The following NECTIN3 variants were observed in gnomAD, a reference collection of about 807,000 sequenced individuals.
NECTIN3 encodes nectin-3.
NECTIN3 carries 8 observed loss-of-function variants against 49.4 expected under a neutral mutation model. The ratio of observed to expected loss-of-function variants is 0.16; its 90% CI spans 0.10 to 0.29. The LOEUF (loss-of-function observed/expected upper bound fraction) is 0.29, where lower values mean the gene tolerates loss of function less well. Ranked by LOEUF, NECTIN3 falls within the 10% of genes least tolerant of loss-of-function variation. The pLI, the probability that NECTIN3 is intolerant of heterozygous loss-of-function variation, is 1.00. For synonymous variants in NECTIN3, 277 were observed against 241.1 expected, an observed-to-expected ratio of 1.15 and a Z score of -1.38; for missense variants, 581 against 654.6, an observed-to-expected ratio of 0.89 and a Z score of 1.23.
At chr3:111,156,582 G>A (rs1268865215) in intron 7 of NECTIN3, among the ~76,000 whole-genome samples, 2 of 152,084 alleles carry the variant, frequency 1.3e-5, no homozygotes, top group South Asian at 2.1e-4. Flanking sequence ...AAGTAGTCAT[G>A]ACCACGGTTT....
At chr3:111,151,669 A>G (rs115355110) in intron 7 of NECTIN3, among the ~76,000 whole-genome samples, 326 of 152,024 alleles carry the variant, frequency 2.1e-3, no homozygotes, top group Non-Finnish European at 3.7e-3. Flanking sequence ...CTGGTTATGC[A>G]GTGTGTCAGC....
rs1293939086 is a variant in NECTIN3 at position 111,137,473 on chromosome 3, T to C, written c.*3258T>C. 1 of 968,596 alleles carries C rather than the reference T, an allele frequency of 1.0e-6. No individual in the cohort carries two copies. Among genetic ancestry groups the C allele is most frequent in the African/African-American group, 1.9e-5 (1 of 52,132 alleles). 60.0% of individuals were successfully genotyped at this position (968,596 alleles called of 1,614,324 possible). On this transcript the variant is annotated 3_prime_UTR_variant, in exon 6 of 6. Coordinates refer to ENST00000485303, the MANE Select transcript of NECTIN3 (RefSeq NM_015480.3). ...TTGTTTTGTTTTGTTTTGTTTTTTC[T>C]TTTTTAACCAACCTGTGTATTAGGT...
intron 1 of NECTIN3, among the ~76,000 whole-genome samples, chr3:111,085,910 T>A (rs1364151634): frequency 6.6e-6 from 1 of 152,220 alleles, no homozygotes; most frequent in Admixed American, 6.5e-5. Context: ...AAAGTGCTTA[T>A]AACAATTCAT....
chr3:111,115,943 A>G (rs2033675457), intron 2 of NECTIN3, among the ~76,000 whole-genome samples: 1 of 152,178 alleles, frequency 6.6e-6, no homozygotes, highest in African/African-American at 2.4e-5. Flanking sequence ...CTGAATAAAA[A>G]CAGGTGTTGG....
chr3:111,124,413 A>G (rs904356455), intron 4 of NECTIN3, among the ~76,000 whole-genome samples: 12 of 152,188 alleles, frequency 7.9e-5, no homozygotes, highest in Non-Finnish European at 1.5e-5. Context: ...GATATTTCTA[A>G]GTCATTTTAC....
chr3:111,091,893 G>T (rs1346360272), intron 1 of NECTIN3, among the ~76,000 whole-genome samples: 1 of 152,142 alleles, frequency 6.6e-6, no homozygotes, highest in Non-Finnish European at 1.5e-5. Context: ...TTCCAAAGGG[G>T]CTATACCATT....
chr3:111,156,305 A>T (rs1227585472), intron 7 of NECTIN3, among the ~76,000 whole-genome samples: 3 of 152,180 alleles, frequency 2.0e-5, no homozygotes, highest in Admixed American at 6.5e-5. Context: ...TAGAATTAAA[A>T]TTTTTTGTTA....
At chr3:111,124,832 A>T (rs1028687503) in intron 4 of NECTIN3, among the ~76,000 whole-genome samples, 33 of 152,112 alleles carry the variant, frequency 2.2e-4, no homozygotes, top group African/African-American at 8.0e-4. Flanking sequence ...TACTTACATA[A>T]TTGAAAATAG....
Position 111,137,364 on chromosome 3 carries a change from A to T in NECTIN3, c.*3149A>T. On this transcript the variant is annotated 3_prime_UTR_variant, in exon 6 of 6. Transcript: ENST00000485303. ...CCTTCATAAACAGCTCCTTTCTCAA[A>T]TTTTTTGTATATTGTGTTTGTGTTT... is the stretch of plus-strand genomic sequence containing the variant. 2 of 967,402 alleles carry T rather than the reference A, an allele frequency of 2.1e-6. No individual in the cohort carries two copies. Among genetic ancestry groups the T allele is most frequent in the Middle Eastern group, 5.3e-4 (1 of 1,882 alleles). 59.9% of individuals were successfully genotyped at this position (967,402 alleles called of 1,614,324 possible).
intron 1 of NECTIN3, chr3:111,072,805 C>T (rs1212201036): frequency 4.3e-6 from 2 of 466,150 alleles, no homozygotes; most frequent in Non-Finnish European, 3.8e-6. Context: ...CTCACACTGC[C>T]CGTGCTTATT....
upstream of NECTIN3, among the ~76,000 whole-genome samples, chr3:111,189,366 A>G (rs1400008945): frequency 6.6e-6 from 1 of 152,172 alleles, no homozygotes; most frequent in Admixed American, 6.5e-5. Flanking sequence ...GAATCAACAC[A>G]AATGTATTTA....
At chr3:111,148,044 T>A (rs1016583642) in intron 7 of NECTIN3, among the ~76,000 whole-genome samples, 1 of 152,210 alleles carries the variant, frequency 6.6e-6, no homozygotes, top group African/African-American at 2.4e-5. Flanking sequence ...ATTTGAATTC[T>A]TTGATTCTCA....
chr3:111,168,886 C>T (rs577098900), intron 7 of NECTIN3, among the ~76,000 whole-genome samples: 1 of 152,248 alleles, frequency 6.6e-6, no homozygotes, highest in African/African-American at 2.4e-5. Context: ...ATCGTTAGAT[C>T]TGCATTTATT....
In NECTIN3 at chr3:111,118,848, A is replaced by T; in HGVS notation, c.695A>T (p.Lys232Met). Reference protein sequence around the residue: ...NETATIISQYKLFPTRFARGR... With the variant: ...NETATIISQYMLFPTRFARGR... ...ACGGCAACGATTATCAGCCAGTACA[A>T]GCTATTTCCAACCAGATTTGCTAGA... The change falls in exon 3 of 6, where the codon AAG becomes ATG. Residue 232 changes from lysine to methionine, a missense_variant. Transcript: ENST00000485303. 1 of 1,614,174 alleles carries T rather than the reference A, an allele frequency of 6.2e-7. No homozygotes were observed. The highest frequency in any genetic ancestry group is 8.5e-7 in the Non-Finnish European group (1 of 1,180,030).
At chr3:111,112,575 T>C (rs1292295303) in intron 2 of NECTIN3, among the ~76,000 whole-genome samples, 2 of 152,188 alleles carry the variant, frequency 1.3e-5, no homozygotes, top group Non-Finnish European at 2.9e-5. Context: ...CCTACTTATC[T>C]ATGTAATGCT....
At chr3:111,129,273 T>C (rs2034289423) in intron 5 of NECTIN3, among the ~76,000 whole-genome samples, 5 of 152,148 alleles carry the variant, frequency 3.3e-5, no homozygotes, top group Admixed American at 3.3e-4. Context: ...TTGCTACTAT[T>C]GGTCCCCTTC....
In NECTIN3 at chr3:111,112,356, A is replaced by T. The variant is rs1576116974; in HGVS notation, c.487A>T (p.Thr163Ser). The T allele has an allele frequency of 6.3e-7, 1 of 1,598,224 alleles. No homozygotes were observed. Among genetic ancestry groups the T allele is most frequent in the South Asian group, 1.1e-5 (1 of 89,436 alleles). ...GCTTGGAAATGCCCAGTCCTCTACA[A>T]CTGTAACTGTGTTAGGTAGGTATGC... ...FPLGNAQSST[T>S]VTVLVEPTVS... Residue 163 changes from threonine to serine, a missense_variant, in exon 2 of 6, where the codon ACT (threonine) becomes TCT (serine). This residue lies in a region of NECTIN3 where 234 missense variants were observed against 340.6 expected (regional missense o/e 0.69). Transcript: ENST00000485303.
At position 111,193,659 on chromosome 3, in the gene NECTIN3, T is replaced by G. The variant is rs957393212; in HGVS notation, c.63+1246T>G. 3 of 403,802 alleles carry G rather than the reference T, an allele frequency of 7.4e-6. No individual in the cohort carries two copies. The South Asian group carries it at 1.2e-4, about 17-fold the overall frequency. 25.0% of individuals were successfully genotyped at this position (403,802 alleles called of 1,614,324 possible). On this transcript the variant is annotated intron_variant, in intron 1 of 1. Coordinates refer to the NECTIN3 transcript ENST00000485506. ...ATTTGGCCTACAATGGCATTTTCAT[T>G]TAACAGTACAGCATCTGCCTGTGAT... is the stretch of plus-strand genomic sequence containing the variant.
Position 111,168,345 on chromosome 3 carries a change from A to G in NECTIN3, c.1221+20861A>G, listed in dbSNP as rs188591694. On this transcript the variant is annotated intron_variant, in intron 7 of 8. Coordinates refer to the NECTIN3 transcript ENST00000493615. ...CAGAAGATATTCCCATGAAGAGCAA[A>G]TAGGTGATCAGAGACAGGAAGACAA... Among the ~76,000 whole-genome samples, 71 of 152,286 alleles carry G rather than the reference A, an allele frequency of 4.7e-4. No homozygotes were observed. In the East Asian group the frequency reaches 0.013, roughly 28 times the overall value.
Sources: allele counts gnomAD v4.1 joint callset (sites outside exome capture counted in the v4.1 genomes callset), GRCh38; gene constraint gnomAD v4.1.1; regional missense constraint gnomAD v4.1.1; transcripts MANE v1.5; gene names NCBI Gene and HGNC (gene_info 2026-07-23, HGNC 2026-07-21).